Variants in HIVEP3 observed in about 807,000 individuals in gnomAD.
HIVEP3 encodes transcription factor HIVEP3.
A neutral mutation model predicts 152.8 loss-of-function variants in HIVEP3; 49 were observed. The ratio of observed to expected loss-of-function variants is 0.32; its 90% confidence interval spans 0.26 to 0.41. HIVEP3 has a LOEUF of 0.41. HIVEP3 is among the 10% of genes least tolerant of loss of function. The probability of loss-of-function intolerance (pLI) is 1.00; values close to 1 mark genes in which losing one functional copy is unlikely to be tolerated. For missense variants in HIVEP3, 2,790 were observed against 3,103.3 expected (o/e 0.90, Z 2.40); for synonymous variants, 1,269 against 1,289.0 (o/e 0.98, Z 0.33).
chr1:41,703,909 C>T (rs1402415357), intron 1 of HIVEP3, among the ~76,000 whole-genome samples: 1 of 152,178 alleles, frequency 6.6e-6, no homozygotes, highest in East Asian at 1.9e-4. Flanking sequence ...GATTCAAAGG[C>T]CTGTCCACCA....
chr1:41,521,576 G>C (rs1011213635), intron 6 of HIVEP3, among the ~76,000 whole-genome samples: 1 of 152,196 alleles, frequency 6.6e-6, no homozygotes, highest in Admixed American at 6.5e-5. Context: ...GGCACAGCCT[G>C]AACACCACTT....
At chr1:41,787,766 C>T (rs900239364) in intron 1 of HIVEP3, among the ~76,000 whole-genome samples, 4 of 151,630 alleles carry the variant, frequency 2.6e-5, no homozygotes, top group Non-Finnish European at 5.9e-5. Context: ...GACTTCTGGG[C>T]TCAAGCGATC....
At chr1:41,926,275 C>G (rs1053779458) in intron 1 of HIVEP3, among the ~76,000 whole-genome samples, 1 of 152,224 alleles carries the variant, frequency 6.6e-6, no homozygotes, top group Non-Finnish European at 1.5e-5. Flanking sequence ...CACACCTCCC[C>G]TGACCTGCAC....
intron 1 of HIVEP3, among the ~76,000 whole-genome samples, chr1:41,914,014 T>C (rs1481859817): frequency 6.6e-6 from 1 of 152,118 alleles, no homozygotes; most frequent in African/African-American, 2.4e-5. Context: ...TGAAAGGCAT[T>C]TTCAGATCAC....
chr1:41,865,283 G>A (rs1204077235), intron 1 of HIVEP3, among the ~76,000 whole-genome samples: 1 of 152,156 alleles, frequency 6.6e-6, no homozygotes, highest in African/African-American at 2.4e-5. Context: ...AGGAGATCTG[G>A]TCCTACCAAG....
At chr1:41,725,512 C>T (rs1055232323) in intron 1 of HIVEP3, among the ~76,000 whole-genome samples, 2 of 152,226 alleles carry the variant, frequency 1.3e-5, no homozygotes, top group African/African-American at 2.4e-5. Flanking sequence ...CCTCCCAAAG[C>T]CCAAACTATT....
chr1:41,843,641 A>G (rs1557438198), intron 1 of HIVEP3, among the ~76,000 whole-genome samples: 1 of 152,180 alleles, frequency 6.6e-6, no homozygotes, highest in Non-Finnish European at 1.5e-5. Context: ...ACTACAGCCA[A>G]CGTGACTCAC....
intron 1 of HIVEP3, among the ~76,000 whole-genome samples, chr1:41,937,650 G>C (rs561226246): frequency 6.6e-6 from 1 of 152,150 alleles, no homozygotes. Flanking sequence ...TGATGCATAT[G>C]GCTCATATTT....
chr1:42,025,872 C>G lies in HIVEP3; in HGVS notation n.119+9935G>C, dbSNP rs993036939. ...ATCGCTTGAACCCAGCAGTTCAAGACCAGCCTGGGCAACATGGCAAAACCC... is the reference window on the plus strand; with the variant it reads ...ATCGCTTGAACCCAGCAGTTCAAGAGCAGCCTGGGCAACATGGCAAAACCC... On this transcript the variant is annotated intron_variant and non_coding_transcript_variant, in intron 1 of 3. Transcript: ENST00000489103. 3.7e-4 allele frequency among the ~76,000 whole-genome samples: 57 copies of G among 152,110 alleles called. 1 individual carries two copies. The highest frequency in any genetic ancestry group is 2.8e-3 in the Admixed American group (42 of 15,256).
At chr1:41,919,916 C>T (rs1644926582), upstream of HIVEP3, among the ~76,000 whole-genome samples, 1 of 152,220 alleles carries the variant, frequency 6.6e-6, no homozygotes, top group Admixed American at 6.5e-5. Context: ...ATGGCGCTGT[C>T]TGCTCCTCCG....
intron 1 of HIVEP3, among the ~76,000 whole-genome samples, chr1:41,949,648 G>C (rs1276163767): frequency 6.6e-6 from 1 of 152,024 alleles, no homozygotes; most frequent in Non-Finnish European, 1.5e-5. Context: ...GGATGCCCTG[G>C]ATTCTCCCCT....
At chr1:41,665,909 G>T (rs558482480) in intron 2 of HIVEP3, among the ~76,000 whole-genome samples, 124 of 152,206 alleles carry the variant, frequency 8.1e-4, no homozygotes, top group African/African-American at 2.7e-3. Flanking sequence ...GGAACCCACT[G>T]TTGCTCCCAA....
intron 1 of HIVEP3, among the ~76,000 whole-genome samples, chr1:41,830,444 G>A (rs762283875): frequency 7.2e-5 from 11 of 152,212 alleles, no homozygotes; most frequent in Non-Finnish European, 1.2e-4. Context: ...CTGCGGTACT[G>A]CCCAGGTCCC....
At chr1:41,637,196 A>G (rs2149154429) in intron 2 of HIVEP3, among the ~76,000 whole-genome samples, 1 of 152,316 alleles carries the variant, frequency 6.6e-6, no homozygotes, top group East Asian at 1.9e-4. Flanking sequence ...ACATGCACAC[A>G]TAGGGATGAC....
In HIVEP3 at chr1:41,581,418, G is replaced by A. The variant is rs987715623; in HGVS notation, c.3380C>T (p.Pro1127Leu). 1.9e-6 allele frequency: 3 copies of A among 1,599,396 alleles called. No homozygotes were observed. The highest frequency in any genetic ancestry group is 2.7e-5 in the African/African-American group (2 of 74,842). Reference protein sequence around the residue: ...YTEALQVFHHPVAQTPLHEKP... With the variant: ...YTEALQVFHHLVAQTPLHEKP... ...CTCATGCAGGGGTGTCTGGGCAACG[G>A]GGTGGTGGAACACTTGCAGTGCTTC... The change falls in exon 4 of 9, where the codon CCC becomes CTC. Residue 1127 changes from proline (P) to leucine (L), a missense_variant. Pro to Leu is a moderately conservative substitution (Grantham distance 98). Transcript: ENST00000372583. The surrounding 1 kb of genome is among the most constrained non-coding windows in gnomAD (Gnocchi z 4.5).
chr1:41,714,452 T>A (rs1436652185), intron 1 of HIVEP3, among the ~76,000 whole-genome samples: 1 of 152,114 alleles, frequency 6.6e-6, no homozygotes, highest in Non-Finnish European at 1.5e-5. Context: ...AATGACTGGA[T>A]AAAGAAATTA....
chr1:41,682,125 C>T (rs187483334), intron 2 of HIVEP3, among the ~76,000 whole-genome samples: 3 of 152,270 alleles, frequency 2.0e-5, no homozygotes, highest in South Asian at 2.1e-4. Context: ...CTCTCTCATA[C>T]GCACACAGGG....
At chr1:41,942,202 TC>T (rs748134981) in intron 1 of HIVEP3, among the ~76,000 whole-genome samples, 72 of 152,212 alleles carry the variant, frequency 4.7e-4, no homozygotes, top group Non-Finnish European at 8.7e-4. Flanking sequence ...ACGATGTCTT[TC>T]TTAGATCCAA....
rs1437684710 is a variant in HIVEP3 at position 41,510,687 on chromosome 1, T to G, written c.6985A>C (p.Ser2329Arg). The change falls in exon 9 of 9, where the codon AGC becomes CGC. Residue 2329 changes from serine to arginine, a missense_variant. Ser to Arg is a moderately radical substitution (Grantham distance 110). Around this residue, in one of 9 missense-constraint regions of HIVEP3, gnomAD observed 816 missense variants for 806.5 expected, o/e 1.01. Coordinates refer to ENST00000372583, the MANE Select transcript of HIVEP3 (RefSeq NM_024503.5). Reference protein sequence around the residue: ...PQGRRAAQSWSPRLESPRAPT... With the variant: ...PQGRRAAQSWRPRLESPRAPT... ...GCACGCGGGGACTCCAAGCGGGGGC[T>G]CCAGGACTGCGCTGCCCGGCGTCCC... 1 of 1,524,916 alleles carries G rather than the reference T, an allele frequency of 6.6e-7. No homozygotes were observed. The highest frequency in any genetic ancestry group is 1.2e-5 in the South Asian group (1 of 81,122). 94.5% of individuals were successfully genotyped at this position (1,524,916 alleles called of 1,614,324 possible).
Sources: gnomAD v4.1 joint callset for allele counts (sites outside exome capture counted in the v4.1 genomes callset) on GRCh38, gnomAD v4.1.1 for gene constraint, gnomAD v4.1.1 regional missense constraint, Gnocchi (gnomAD v3.1) non-coding constraint, MANE v1.5 for transcripts, NCBI Gene and HGNC (gene_info 2026-07-23, HGNC 2026-07-21) for gene names.